The following MGST2 variants were observed in gnomAD, a reference collection of about 807,000 sequenced individuals.
MGST2 encodes the protein microsomal glutathione S-transferase 2.
MGST2 carries 9 observed loss-of-function variants against 16.6 expected under a neutral mutation model. That is an observed-to-expected ratio of 0.54 (90% CI 0.33 to 0.95). The LOEUF is 0.95. Ranked by LOEUF, MGST2 falls within the 40% of genes least tolerant of loss-of-function variation. MGST2 has a pLI of 0.03. For synonymous variants in MGST2, 79 were observed against 68.0 expected, an observed-to-expected ratio of 1.16 and a Z score of -0.79; for missense variants, 159 against 175.1, an observed-to-expected ratio of 0.91 and a Z score of 0.52.
At position 139,712,757 on chromosome 4, in the gene MGST2, G is replaced by A. The variant is rs575957583; in HGVS notation, c.*48+8561G>A. ...TACAGGGACTGTGTAGGCAAGGTAT[G>A]AGGCCAGTTCCCCAAAGGGTTTTTA... On this transcript the variant is annotated intron_variant, in intron 5 of 5. Transcript: ENST00000616265. Among the ~76,000 whole-genome samples, 4 of 152,298 alleles carry A rather than the reference G, an allele frequency of 2.6e-5. No individual in the cohort carries two copies. The South Asian group carries it at 8.3e-4, about 32-fold the overall frequency.
chr4:139,709,071 ATTTTTTTTTTT>A (rs377191495), downstream of MGST2, among the ~76,000 whole-genome samples: 111 of 82,018 alleles, frequency 1.4e-3, no homozygotes, highest in South Asian at 2.5e-3. Context: ...AATGGAAAAA[ATTTTTTTTTTT>A]TTTTTTTTTT....
intron 1 of MGST2, among the ~76,000 whole-genome samples, chr4:139,666,830 C>T (rs1442039401): frequency 6.6e-6 from 1 of 152,164 alleles, no homozygotes; most frequent in Non-Finnish European, 1.5e-5. Flanking sequence ...AGGGCCAAGC[C>T]GTAGACTGCT....
chr4:139,739,696 T>G (rs13120771), intron 5 of MGST2, among the ~76,000 whole-genome samples: 1 of 137,104 alleles, frequency 7.3e-6, no homozygotes, highest in Non-Finnish European at 1.6e-5. Flanking sequence ...TTTTTTTTTC[T>G]TTTATGTCCT....
rs1727915271 is a variant in MGST2, at chr4:139,715,571, A to T, written c.*48+11375A>T. Among the ~76,000 whole-genome samples, 1 of 152,196 alleles carries T rather than the reference A, an allele frequency of 6.6e-6. No homozygotes were observed. The highest frequency in any genetic ancestry group is 6.5e-5 in the Admixed American group (1 of 15,288). The stretch of plus-strand genomic sequence containing the variant: ...AAAGGAATAAAAGAATGGCTACTCC[A>T]TAGAGCAGCCCCGAGGGCTGCTGGT... On this transcript the variant is annotated intron_variant, in intron 5 of 5. Coordinates refer to the MGST2 transcript ENST00000616265. The surrounding 1 kb of genome is among the most constrained non-coding windows in gnomAD (Gnocchi z 4.4).
At position 139,697,818 on chromosome 4, in the gene MGST2, C is replaced by G. The variant is rs554226890; in HGVS notation, c.229+2551C>G. 2.2e-3 allele frequency among the ~76,000 whole-genome samples: 341 copies of G among 152,138 alleles called. 16 individuals carry two copies. The South Asian group carries it at 0.069, about 31-fold the overall frequency. On this transcript the variant is annotated intron_variant, in intron 3 of 4. Coordinates refer to ENST00000265498, the MANE Select transcript of MGST2 (RefSeq NM_002413.5). ...AGAAATTTACTTGTTTTAAAAAAAT[C>G]CAAATGCTGGCATTGTCCAGAAAAA...
At chr4:139,718,895 G>A (rs769702607) in intron 5 of MGST2, 2 of 170,760 alleles carry the variant, frequency 1.2e-5, no homozygotes, top group Non-Finnish European at 2.5e-5. Flanking sequence ...CCCTGGCTGA[G>A]GCTCTGTCTC....
intron 5 of MGST2, chr4:139,718,396 TG>T (rs1265953471): frequency 6.6e-6 from 1 of 151,824 alleles, no homozygotes; most frequent in Non-Finnish European, 1.5e-5. Flanking sequence ...AAGGGGAGGC[TG>T]GTGTGGAGGC....
intron 5 of MGST2, among the ~76,000 whole-genome samples, chr4:139,739,949 T>C (rs12501846): frequency 0.15 from 22,059 of 152,106 alleles, 1,713 homozygotes; most frequent in East Asian, 0.28. Flanking sequence ...ACCTGGACTA[T>C]TTCTCCCTGA....
At chr4:139,714,276 T>G (rs1306347890) in intron 5 of MGST2, among the ~76,000 whole-genome samples, 1 of 152,214 alleles carries the variant, frequency 6.6e-6, no homozygotes, top group Admixed American at 6.5e-5. Flanking sequence ...AAGACTAGCC[T>G]TAGAATTCTT....
the MGST2 span, among the ~76,000 whole-genome samples, chr4:139,748,983 C>A: frequency 2.0e-5 from 3 of 152,168 alleles, no homozygotes; most frequent in African/African-American, 7.2e-5. Context: ...TGTGGCTGCA[C>A]ACGTCCTTGA....
chr4:139,690,112 C>T (rs371286069), intron 2 of MGST2, among the ~76,000 whole-genome samples: 1 of 152,184 alleles, frequency 6.6e-6, no homozygotes, highest in African/African-American at 2.4e-5. Flanking sequence ...CTGCCTCAGC[C>T]TCCTGAGTAG....
chr4:139,725,853 A>G (rs1272382732), intron 5 of MGST2: 1 of 1,609,446 alleles, frequency 6.2e-7, no homozygotes, highest in Non-Finnish European at 8.5e-7. Context: ...AACAGAACAC[A>G]AGAGGGGTGG....
chr4:139,668,257 G>A (rs1055413685), intron 1 of MGST2, among the ~76,000 whole-genome samples: 2 of 152,156 alleles, frequency 1.3e-5, no homozygotes, highest in Non-Finnish European at 2.9e-5. Context: ...GAAGCTTCCA[G>A]GTAGCAGCGT....
the MGST2 span, among the ~76,000 whole-genome samples, chr4:139,747,746 C>T: frequency 6.6e-6 from 1 of 150,740 alleles, no homozygotes; most frequent in Admixed American, 6.6e-5. Context: ...CTGATACTTA[C>T]TAAGAGTAAT....
intron 3 of MGST2, among the ~76,000 whole-genome samples, chr4:139,700,263 C>G (rs546353444): frequency 7.1e-4 from 107 of 151,144 alleles, no homozygotes; most frequent in Non-Finnish European, 1.4e-3. Flanking sequence ...TCCGGAGTAG[C>G]TGGGACTATA....
chr4:139,730,073 T>C (rs1195555434), intron 5 of MGST2, among the ~76,000 whole-genome samples: 1 of 152,230 alleles, frequency 6.6e-6, no homozygotes, highest in Non-Finnish European at 1.5e-5. Flanking sequence ...TTACGGCTTA[T>C]GGAGCATGTG....
chr4:139,667,259 G>A (rs545464986), intron 1 of MGST2, among the ~76,000 whole-genome samples: 3 of 152,222 alleles, frequency 2.0e-5, no homozygotes, highest in African/African-American at 7.2e-5. Flanking sequence ...CCTTTAGGCT[G>A]AACTTAAAAT....
intron 5 of MGST2, chr4:139,718,690 T>TG (rs143867107): frequency 6.6e-5 from 10 of 152,494 alleles, no homozygotes; most frequent in African/African-American, 2.4e-4. Context: ...AGGGTCATCA[T>TG]GGGGCAGGAG....
rs989603082 is a variant in MGST2 at position 139,735,314 on chromosome 4, G to GC, written c.*49-4892dup. Among the ~76,000 whole-genome samples, 5 of 152,176 alleles carry GC rather than the reference G, an allele frequency of 3.3e-5. No individual in the cohort carries two copies. Among genetic ancestry groups the GC allele is most frequent in the Non-Finnish European group, 7.3e-5 (5 of 68,034 alleles). On this transcript the variant is annotated intron_variant, in intron 5 of 5. Transcript: ENST00000616265. The surrounding 1 kb of genome is among the most constrained non-coding windows in gnomAD (Gnocchi z 5.8). ...TTGCCGTGTATCTCTGGGGTTATCT[G>GC]CCCCCCTCCTCCGACTGACACTGAA...
Sources: gnomAD v4.1 joint callset for allele counts (sites outside exome capture counted in the v4.1 genomes callset) on GRCh38, gnomAD v4.1.1 for gene constraint, Gnocchi (gnomAD v3.1) non-coding constraint, MANE v1.5 for transcripts, NCBI Gene and HGNC (gene_info 2026-07-23, HGNC 2026-07-21) for gene names.